The following ACIN1 variants were observed in gnomAD, a reference collection of about 807,000 sequenced individuals.
ACIN1 encodes the protein apoptotic chromatin condensation inducer in the nucleus.
Under a neutral mutation model 146.6 loss-of-function variants are expected in ACIN1, and 16 were observed. The ratio of observed to expected loss-of-function variants is 0.11; its 90% CI spans 0.07 to 0.17. The LOEUF (loss-of-function observed/expected upper bound fraction) is 0.17. Ranked by LOEUF, ACIN1 falls within the 10% of genes least tolerant of loss-of-function variation. The pLI, the probability that ACIN1 is intolerant of heterozygous loss-of-function variation, is 1.00. For synonymous variants in ACIN1, 569 were observed against 582.7 expected, an observed-to-expected ratio of 0.98 and a Z score of 0.34; for missense variants, 1,357 against 1,609.3, an observed-to-expected ratio of 0.84 and a Z score of 2.68.
chr14:23,071,236 A>T, intron 8 of ACIN1: 1 of 1,517,650 alleles, frequency 6.6e-7, no homozygotes. Flanking sequence ...CCTAAAAAAA[A>T]TAAAGAAAAA....
upstream of ACIN1, chr14:23,095,320 G>T (rs369074292): frequency 1.3e-4 from 196 of 1,565,128 alleles, no homozygotes; most frequent in Non-Finnish European, 1.3e-4. Flanking sequence ...CCGCCCTGCA[G>T]CGCCCCTTTT....
At chr14:23,094,440 A>G in intron 1 of ACIN1, 1 of 983,558 alleles carries the variant, frequency 1.0e-6, no homozygotes, top group Non-Finnish European at 1.2e-6. Flanking sequence ...CCACTAAATT[A>G]GAGACCTCTC....
chr14:23,084,570 A>G (rs1268928233), intron 4 of ACIN1, among the ~76,000 whole-genome samples: 3 of 150,652 alleles, frequency 2.0e-5, no homozygotes, highest in African/African-American at 7.4e-5. Flanking sequence ...AGATGGCGCT[A>G]TTGCACTCCA....
chr14:23,071,545 A>T (rs2047655267), intron 8 of ACIN1: 1 of 1,550,752 alleles, frequency 6.4e-7, no homozygotes. Flanking sequence ...GGAGACATGC[A>T]GGGGAGCCAT....
intron 8 of ACIN1, 31 bp from the exon 9 acceptor site, chr14:23,069,648 G>GGGGGGGGGGGC: frequency 1.7e-6 from 1 of 589,364 alleles, no homozygotes; most frequent in Non-Finnish European, 3.2e-6. Flanking sequence ...TGGTGGGGGG[G>GGGGGGGGGGGC]CGGGCAGAAA....
chr14:23,080,081 GCCT>G lies in ACIN1; in HGVS notation c.1251_1253del (p.Gly418del). Reference sequence around the variant, plus strand: ...CTGAAGGACTTGACAAAGGAGACAGGCCTCCTACCAACTGGACAGTATGCTGAG... The same window carrying G: ...CTGAAGGACTTGACAAAGGAGACAGGCCTACCAACTGGACAGTATGCTGAG... On this transcript the variant is annotated inframe_deletion, in exon 6 of 19. Coordinates refer to ENST00000605057, the MANE Select transcript of ACIN1 (RefSeq NM_001386863.1). 6.2e-7 allele frequency: 1 copy of G among 1,614,142 alleles called. No individual in the cohort carries two copies.
At chr14:23,094,503 A>G (rs1437877013) in intron 1 of ACIN1, 8 of 985,138 alleles carry the variant, frequency 8.1e-6, no homozygotes, top group East Asian at 2.3e-4. Flanking sequence ...CTCCTCATCT[A>G]ATCGAGCAGA....
chr14:23,067,815 A>AG lies in ACIN1; in HGVS notation c.2265+1660dup. The AG allele has an allele frequency of 1.0e-6, 1 of 985,714 alleles. No individual in the cohort carries two copies. The allele number at this position is 985,714 out of a possible 1,614,324, so 61.1% of individuals were successfully genotyped here. ...CTTTCTCCTCTGCCTGTAACTGGGG[A>AG]GGGGGTCCTCTCACCGAGTGGGATC... On this transcript the variant is annotated intron_variant, in intron 9 of 18. Coordinates refer to ENST00000605057, the MANE Select transcript of ACIN1 (RefSeq NM_001386863.1). This position sits in a 1 kb window ranked among gnomAD's most constrained non-coding sequence, Gnocchi z 4.6.
chr14:23,095,335 C>G (rs189677734), upstream of ACIN1: 9 of 1,548,722 alleles, frequency 5.8e-6, no homozygotes, highest in African/African-American at 4.1e-5. Context: ...CCTTTTCTCG[C>G]CCTGCTTTCA....
intron 8 of ACIN1, among the ~76,000 whole-genome samples, chr14:23,076,709 T>C (rs550379679): frequency 6.6e-6 from 1 of 152,222 alleles, no homozygotes; most frequent in African/African-American, 2.4e-5. Flanking sequence ...AATACCCACT[T>C]CAAAACTGCC....
Position 23,068,508 on chromosome 14 carries a change from G to C in ACIN1, c.2265+968C>G. 1.0e-6 allele frequency: 1 copy of C among 985,860 alleles called. No homozygotes were observed. Among genetic ancestry groups the C allele is most frequent in the Non-Finnish European group, 1.2e-6 (1 of 829,964 alleles). The allele number at this position is 985,860 out of a possible 1,614,324, so 61.1% of individuals were successfully genotyped here. On this transcript the variant is annotated intron_variant, in intron 9 of 18. Coordinates refer to ENST00000605057, the MANE Select transcript of ACIN1 (RefSeq NM_001386863.1). The surrounding 1 kb of genome is among the most constrained non-coding windows in gnomAD (Gnocchi z 4.3). Reference sequence around the variant, plus strand: ...GGAGGCAAAAGGGGGCCCATCACAGGAGCCCATATACATGCCCCCCTCTGG... The same window carrying C: ...GGAGGCAAAAGGGGGCCCATCACAGCAGCCCATATACATGCCCCCCTCTGG...
chr14:23,072,744 C>G (rs148448706), intron 8 of ACIN1, among the ~76,000 whole-genome samples: 5 of 152,338 alleles, frequency 3.3e-5, no homozygotes, highest in Non-Finnish European at 7.3e-5. Context: ...CTTACACTTA[C>G]AATGCCAACT....
intron 4 of ACIN1, 139 bp downstream of exon 4, chr14:23,089,843 G>GA: frequency 6.4e-5 from 78 of 1,213,648 alleles, no homozygotes; most frequent in Non-Finnish European, 8.5e-5. Context: ...CTTTCCATGA[G>GA]AAACAGATGT....
chr14:23,094,838 G>C, intron 1 of ACIN1, 137 bp downstream of exon 1: 1 of 1,278,786 alleles, frequency 7.8e-7, no homozygotes, highest in Non-Finnish European at 1.1e-6. Context: ...CAACCACCGT[G>C]CGCGCGGATC....
At chr14:23,065,898 TG>T (rs1214381837) in intron 10 of ACIN1, 67 bp downstream of exon 10, 1 of 1,447,636 alleles carries the variant, frequency 6.9e-7, no homozygotes, top group African/African-American at 1.4e-5. Flanking sequence ...AATGAAATTC[TG>T]GTTCTCAATG....
chr14:23,082,932 GT>G (rs1409200642), intron 4 of ACIN1, among the ~76,000 whole-genome samples: 2 of 148,926 alleles, frequency 1.3e-5, no homozygotes, highest in African/African-American at 5.0e-5. Context: ...CAGAGGCGGG[GT>G]TTCATCATGT....
At chr14:23,090,397 A>G (rs941076063) in intron 3 of ACIN1, 125 bp downstream of exon 3, 4 of 919,390 alleles carry the variant, frequency 4.4e-6, no homozygotes, top group Non-Finnish European at 4.9e-6. Flanking sequence ...ATGGGCTATG[A>G]AAGCAAGTAA....
chr14:23,084,182 T>C (rs569204419), intron 4 of ACIN1, among the ~76,000 whole-genome samples: 1 of 152,294 alleles, frequency 6.6e-6, no homozygotes, highest in Admixed American at 6.5e-5. Flanking sequence ...CCTGACCTTG[T>C]CATCCTCCCC....
At chr14:23,078,785 C>G in intron 7 of ACIN1, 35 bp downstream of exon 7, 1 of 1,594,634 alleles carries the variant, frequency 6.3e-7, no homozygotes. Context: ...GCTTAATCCT[C>G]CATCTCTGTG....
Sources: allele counts gnomAD v4.1 joint callset (sites outside exome capture counted in the v4.1 genomes callset), GRCh38; gene constraint gnomAD v4.1.1; non-coding constraint Gnocchi (gnomAD v3.1); transcripts MANE v1.5; gene names NCBI Gene and HGNC (gene_info 2026-07-23, HGNC 2026-07-21).